LIPA: variants seen among roughly 807,000 people sequenced by gnomAD.
The protein encoded by LIPA is lysosomal acid lipase/cholesteryl ester hydrolase.
LIPA carries 26 observed loss-of-function variants against 40.6 expected under a neutral mutation model. The observed-to-expected ratio is 0.64, with a 90% CI of 0.47 to 0.89. The LOEUF is 0.89. Ranked by LOEUF, LIPA falls within the 40% of genes least tolerant of loss-of-function variation. The pLI, the probability that LIPA is intolerant of heterozygous loss-of-function variation, is 0.00. For synonymous variants in LIPA, 188 were observed against 168.4 expected (o/e 1.12, Z -0.90); for missense variants, 455 against 479.6 (o/e 0.95, Z 0.48).
At chr10:89,293,679 T>TGAGAGAGAGAGAGAGAGA (rs72229492) in intron 1 of LIPA, 18 of 145,210 alleles carry the variant, frequency 1.2e-4, no homozygotes, top group African/African-American at 3.9e-4. Context: ...CTGTGTGAGA[T>TGAGAGAGAGAGAGAGAGA]GAGAGAGAGA....
At chr10:89,279,060 A>G (rs1843303294) in intron 1 of LIPA, among the ~76,000 whole-genome samples, 1 of 152,198 alleles carries the variant, frequency 6.6e-6, no homozygotes, top group African/African-American at 2.4e-5. Flanking sequence ...AGTTAGTACC[A>G]AAATAATCTG....
upstream of LIPA, among the ~76,000 whole-genome samples, chr10:89,254,918 C>A (rs1000545181): frequency 2.6e-5 from 4 of 152,184 alleles, no homozygotes; most frequent in African/African-American, 4.8e-5. Context: ...CAGTTCACAA[C>A]AAGTTTCTCA....
chr10:89,231,001 T>C (rs1842834682), intron 3 of LIPA, among the ~76,000 whole-genome samples: 1 of 152,208 alleles, frequency 6.6e-6, no homozygotes, highest in Admixed American at 6.5e-5. Flanking sequence ...GGAAATAAGC[T>C]AATTGTCAAG....
At chr10:89,392,467 C>CA in intron 2 of LIPA, 1 of 136,442 alleles carries the variant, frequency 7.3e-6, no homozygotes, top group South Asian at 1.2e-4. Context: ...AAGTTTCATT[C>CA]CCCACCCCCC....
At chr10:89,245,327 C>T (rs963202015) in intron 3 of LIPA, among the ~76,000 whole-genome samples, 1 of 152,094 alleles carries the variant, frequency 6.6e-6, no homozygotes, top group African/African-American at 2.4e-5. Context: ...TTCTAATTCT[C>T]TGATTTTTAG....
intron 2 of LIPA, chr10:89,402,814 G>A: frequency 6.2e-7 from 1 of 1,614,160 alleles, no homozygotes; most frequent in Non-Finnish European, 8.5e-7. Context: ...TCCAGCGCTG[G>A]GTATGCGATC....
intron 1 of LIPA, among the ~76,000 whole-genome samples, chr10:89,313,636 G>T (rs2133527945): frequency 6.6e-6 from 1 of 152,234 alleles, no homozygotes; most frequent in African/African-American, 2.4e-5. Context: ...CCAAAAAGTG[G>T]ACCCATCAAC....
chr10:89,261,492 G>A (rs1843207402), intron 1 of LIPA, among the ~76,000 whole-genome samples: 2 of 152,002 alleles, frequency 1.3e-5, no homozygotes, highest in South Asian at 2.1e-4. Flanking sequence ...GTGACAGAGC[G>A]AGACTCTGTC....
rs543076659 is a variant in LIPA at position 89,305,899 on chromosome 10, T to C, written c.-2+36712A>G. 5.1e-6 allele frequency: 6 copies of C among 1,165,412 alleles called. No homozygotes were observed. In the African/African-American group the frequency reaches 6.1e-5, roughly 12 times the overall value. The allele number at this position is 1,165,412 out of a possible 1,614,324, so 72.2% of individuals were successfully genotyped here. ...AGGAGGAGGAGCATTTTATTTGCCA[T>C]GCTCCCATTTCTTGACATATAAATC... On this transcript the variant is annotated intron_variant, in intron 1 of 5. Transcript: ENST00000282673.
chr10:89,322,600 C>T (rs1264340242), intron 1 of LIPA, among the ~76,000 whole-genome samples: 2 of 138,654 alleles, frequency 1.4e-5, no homozygotes, highest in Non-Finnish European at 3.1e-5. Context: ...TAGACTGAGG[C>T]AGAGAGCCCC....
intron 1 of LIPA, among the ~76,000 whole-genome samples, chr10:89,265,142 G>A (rs1475860837): frequency 6.6e-6 from 1 of 152,064 alleles, no homozygotes; most frequent in African/African-American, 2.4e-5. Flanking sequence ...GCCAGGAGCA[G>A]GGAGAGGCCA....
chr10:89,403,630 A>G (rs377321153), intron 2 of LIPA: 10 of 1,614,010 alleles, frequency 6.2e-6, no homozygotes, highest in Middle Eastern at 1.6e-4. Flanking sequence ...TTGGAAGGAA[A>G]TATGAATGAA....
At chr10:89,269,550 A>T (rs1190395670) in intron 1 of LIPA, among the ~76,000 whole-genome samples, 1 of 152,188 alleles carries the variant, frequency 6.6e-6, no homozygotes, top group Non-Finnish European at 1.5e-5. Context: ...TGATGACATA[A>T]TCATTAATTT....
At chr10:89,407,587 A>T (rs967749127) in intron 2 of LIPA, among the ~76,000 whole-genome samples, 8 of 152,200 alleles carry the variant, frequency 5.3e-5, no homozygotes, top group Non-Finnish European at 1.2e-4. Context: ...TCCTATTCAT[A>T]TAAATGAAGA....
At chr10:89,326,946 G>A (rs900255283) in intron 1 of LIPA, among the ~76,000 whole-genome samples, 1 of 152,182 alleles carries the variant, frequency 6.6e-6, no homozygotes, top group African/African-American at 2.4e-5. Context: ...ATTTTAGGGA[G>A]ACATAAGGCA....
chr10:89,217,262 T>C (rs557863276), intron 8 of LIPA, among the ~76,000 whole-genome samples: 1 of 152,344 alleles, frequency 6.6e-6, no homozygotes, highest in South Asian at 2.1e-4. Flanking sequence ...AATTCTACTG[T>C]TTGATGTAAT....
chr10:89,308,582 T>A (rs2133524190), intron 1 of LIPA: 1 of 152,336 alleles, frequency 6.6e-6, no homozygotes, highest in African/African-American at 2.4e-5. Flanking sequence ...GATTGAGATT[T>A]TCTAGGTAGA....
chr10:89,314,212 T>C (rs780321219), intron 1 of LIPA, among the ~76,000 whole-genome samples: 26 of 152,182 alleles, frequency 1.7e-4, no homozygotes, highest in Non-Finnish European at 3.2e-4. Context: ...ATTTTCTGAG[T>C]TGGGTGTGCT....
At chr10:89,289,989 A>C (rs933364484) in intron 1 of LIPA, among the ~76,000 whole-genome samples, 2 of 124,116 alleles carry the variant, frequency 1.6e-5, no homozygotes, top group African/African-American at 6.0e-5. Flanking sequence ...ACTCACTGCT[A>C]AAAAAAAAGG....
Sources: allele counts gnomAD v4.1 joint callset (sites outside exome capture counted in the v4.1 genomes callset), GRCh38; gene constraint gnomAD v4.1.1; transcripts MANE v1.5; gene names NCBI Gene and HGNC (gene_info 2026-07-23, HGNC 2026-07-21).